LRIT3: variants seen among roughly 807,000 people sequenced by gnomAD.
LRIT3 encodes the protein leucine-rich repeat, immunoglobulin-like domain and transmembrane domain-containing protein 3.
A neutral mutation model predicts 22.6 loss-of-function variants in LRIT3; 14 were observed. That is an observed-to-expected ratio of 0.62 (90% CI 0.41 to 0.97). LRIT3 has a LOEUF of 0.97. Among genes scored for constraint, LRIT3 ranks in the 50% least tolerant of loss-of-function variants. LRIT3 has a pLI of 0.00. For missense variants in LRIT3, 783 were observed against 803.0 expected (o/e 0.98, Z 0.30); for synonymous variants, 306 against 304.5 (o/e 1.01, Z -0.05).
intron 2 of LRIT3, chr4:109,865,289 T>C (rs1734649603): frequency 6.3e-7 from 1 of 1,598,764 alleles, no homozygotes; most frequent in Non-Finnish European, 8.5e-7. Flanking sequence ...AGAATGTCAT[T>C]TCCTATTACT....
intron 2 of LRIT3, among the ~76,000 whole-genome samples, chr4:109,852,745 TA>T (rs1441326563): frequency 6.6e-6 from 1 of 152,104 alleles, no homozygotes; most frequent in Non-Finnish European, 1.5e-5. Context: ...CCTAGACCCC[TA>T]CCCCACAACA....
Position 109,870,426 on chromosome 4 carries a change from G to A in LRIT3, c.1677G>A (p.Val559=), listed in dbSNP as rs762638752. Residue 559 remains valine (V), a synonymous_variant, in exon 4 of 4, where the codon GTG becomes GTA. Coordinates refer to ENST00000594814, the MANE Select transcript of LRIT3 (RefSeq NM_198506.5). ...TGGCCTGTGTCTGTCCAAAAGGAGT[G>A]CCTCCCCAGAAAGACCAATGCATCA... ...QYMACVCPKG[V]PPQKDQCITF... is the part of the protein sequence containing the mutation. The A allele has an allele frequency of 8.1e-6, 13 of 1,614,042 alleles. No individual in the cohort carries two copies. Among genetic ancestry groups the A allele is most frequent in the Admixed American group, 1.7e-5 (1 of 60,000 alleles).
At chr4:109,852,765 T>C (rs1036951806) in intron 2 of LRIT3, among the ~76,000 whole-genome samples, 14 of 151,998 alleles carry the variant, frequency 9.2e-5, no homozygotes, top group African/African-American at 2.4e-4. Flanking sequence ...CAGGCCCCAG[T>C]GTGTGATGTT....
chr4:109,865,225 A>G, intron 2 of LRIT3: 3 of 1,530,804 alleles, frequency 2.0e-6, no homozygotes, highest in Non-Finnish European at 2.7e-6. Context: ...CCCAGGTCAC[A>G]GAATTAACTA....
At chr4:109,866,218 G>A (rs977096896) in intron 2 of LRIT3, among the ~76,000 whole-genome samples, 7 of 152,036 alleles carry the variant, frequency 4.6e-5, no homozygotes, top group African/African-American at 4.8e-5. Context: ...TTGCAGTTTC[G>A]TCTTTTCTTC....
chr4:109,849,950 G>A (rs1392959200), intron 1 of LRIT3, among the ~76,000 whole-genome samples: 1 of 152,166 alleles, frequency 6.6e-6, no homozygotes, highest in Non-Finnish European at 1.5e-5. Flanking sequence ...TACCATTCTG[G>A]TATAAAGTAG....
Position 109,870,815 on chromosome 4 carries a change from G to A in LRIT3, c.*26G>A. On this transcript the variant is annotated 3_prime_UTR_variant, in exon 4 of 4. Transcript: ENST00000594814. ...GGTTCTGCAGCTCAGGTGCATGTGA[G>A]CTACAAAACTAGCATCTAAGGGTAT... 9 of 1,546,194 alleles carry A rather than the reference G, an allele frequency of 5.8e-6. No homozygotes were observed. The highest frequency in any genetic ancestry group is 7.9e-6 in the Non-Finnish European group (9 of 1,146,356).
intron 2 of LRIT3, chr4:109,865,111 T>C (rs1734643850): frequency 7.1e-7 from 1 of 1,414,500 alleles, no homozygotes. Flanking sequence ...ATTATTTTTA[T>C]TTTATAGGCT....
At position 109,870,899 on chromosome 4, in the gene LRIT3, C is replaced by T; in HGVS notation, c.*110C>T. 9.1e-7 allele frequency: 1 copy of T among 1,092,970 alleles called. No homozygotes were observed. The highest frequency in any genetic ancestry group is 2.5e-5 in the East Asian group (1 of 39,522). 67.7% of individuals were successfully genotyped at this position (1,092,970 alleles called of 1,614,324 possible). A position where few individuals can be genotyped will look rare whatever the true frequency, so the allele number is the denominator to read the frequency against. The stretch of plus-strand genomic sequence containing the variant: ...ACTTTCACATTGTACATGAAAATCA[C>T]AAATGGAATGCTTTTAAGTATGTTT... On this transcript the variant is annotated 3_prime_UTR_variant, in exon 4 of 4. Transcript: ENST00000594814.
At position 109,848,141 on chromosome 4, in the gene LRIT3, A is replaced by G. The variant is rs1246188052; in HGVS notation, c.-61A>G. 1.5e-5 allele frequency: 12 copies of G among 806,194 alleles called. No homozygotes were observed. Among genetic ancestry groups the G allele is most frequent in the South Asian group, 6.3e-5 (1 of 15,826 alleles). The allele number at this position is 806,194 out of a possible 1,614,324, so 49.9% of individuals were successfully genotyped here. On this transcript the variant is annotated 5_prime_UTR_variant, in exon 1 of 4. Transcript: ENST00000594814. ...TGGCTGTTTGTATTCCAGGCATACC[A>G]GGTTCTGAATGCTTAGGATTCGGTT...
At chr4:109,848,493 T>C (rs1286620453) in intron 1 of LRIT3, among the ~76,000 whole-genome samples, 176 bp downstream of exon 1, 2 of 152,204 alleles carry the variant, frequency 1.3e-5, no homozygotes, top group African/African-American at 4.8e-5. Context: ...CCTTCACTGT[T>C]TTCGTTTTGA....
At chr4:109,850,951 CT>C (rs35145155) in intron 1 of LRIT3, among the ~76,000 whole-genome samples, 28,158 of 150,368 alleles carry the variant, frequency 0.19, 3,104 homozygotes, top group Admixed American at 0.34. Flanking sequence ...ACTGTGAACA[CT>C]TTTTTTTTTC....
At chr4:109,857,587 C>T (rs1734434713) in intron 2 of LRIT3, among the ~76,000 whole-genome samples, 2 of 152,118 alleles carry the variant, frequency 1.3e-5, no homozygotes, top group Admixed American at 1.3e-4. Context: ...AGGGGCAATC[C>T]CTGCCCCTTT....
rs545955952 is a variant in LRIT3 at position 109,860,316 on chromosome 4, C to T, written c.590-7325C>T. ...GAGTTTGCCTGAAGGATGGTGGCAG[C>T]CCTAGTATTTCCAGACTTTTCTAAA... On this transcript the variant is annotated intron_variant, in intron 2 of 3. Coordinates refer to ENST00000594814, the MANE Select transcript of LRIT3 (RefSeq NM_198506.5). Among the ~76,000 whole-genome samples the T allele has an allele frequency of 1.4e-4, 22 of 152,160 alleles. No homozygotes were observed. The South Asian group carries it at 4.1e-3, about 29-fold the overall frequency.
chr4:109,869,873 G>C lies in LRIT3; in HGVS notation c.1124G>C (p.Arg375Thr). ...TGGGATGTCCAGCCGGGATCTGGAAGATCTACATCTGTATCTAGCGCATCA... is the reference window on the plus strand; with the variant it reads ...TGGGATGTCCAGCCGGGATCTGGAACATCTACATCTGTATCTAGCGCATCA... ...PEWDVQPGSG[R>T]STSVSSASSY... The change falls in exon 4 of 4, where the codon AGA becomes ACA. Residue 375 changes from arginine to threonine, a missense_variant. Arg to Thr is a moderately conservative substitution (Grantham distance 71). Transcript: ENST00000594814. 3 of 1,614,174 alleles carry C rather than the reference G, an allele frequency of 1.9e-6. No individual in the cohort carries two copies. The highest frequency in any genetic ancestry group is 8.5e-7 in the Non-Finnish European group (1 of 1,180,026).
intron 2 of LRIT3, 126 bp from the exon 3 acceptor site, chr4:109,867,515 T>G: frequency 1.2e-6 from 1 of 818,832 alleles, no homozygotes; most frequent in South Asian, 1.8e-5. Context: ...AAGGTGACTC[T>G]GCTTCATCCC....
intron 1 of LRIT3, among the ~76,000 whole-genome samples, chr4:109,848,895 T>C (rs1029301349): frequency 6.6e-6 from 1 of 152,244 alleles, no homozygotes; most frequent in African/African-American, 2.4e-5. Flanking sequence ...ACAGAAGTTA[T>C]TCAATCTCTA....
intron 1 of LRIT3, 47 bp from the exon 2 acceptor site, chr4:109,851,457 G>C: frequency 1.4e-6 from 2 of 1,467,260 alleles, no homozygotes; most frequent in Non-Finnish European, 9.0e-7. Flanking sequence ...TTTTCAAATG[G>C]GTGTTGGAAA....
Position 109,870,232 on chromosome 4 carries a change from G to A in LRIT3, c.1483G>A (p.Glu495Lys). 1 of 1,614,214 alleles carries A rather than the reference G, an allele frequency of 6.2e-7. No individual in the cohort carries two copies. The highest frequency in any genetic ancestry group is 8.5e-7 in the Non-Finnish European group (1 of 1,180,026). Residue 495 changes from glutamate (E) to lysine (K), a missense_variant, in exon 4 of 4, where the codon GAG becomes AAG. Glu to Lys is a moderately conservative substitution (Grantham distance 56, BLOSUM62 1). Coordinates refer to ENST00000594814, the MANE Select transcript of LRIT3 (RefSeq NM_198506.5). The part of the protein sequence containing the change: ...AAIENLRVVS[E>K]TKESVTLTWN... ...AATAGAAAACCTCAGGGTGGTCAGTGAGACTAAAGAGAGTGTGACATTGAC... is the reference window on the plus strand; with the variant it reads ...AATAGAAAACCTCAGGGTGGTCAGTAAGACTAAAGAGAGTGTGACATTGAC...
Sources: allele counts gnomAD v4.1 joint callset (sites outside exome capture counted in the v4.1 genomes callset), GRCh38; gene constraint gnomAD v4.1.1; transcripts MANE v1.5; gene names NCBI Gene and HGNC (gene_info 2026-07-23, HGNC 2026-07-21).